MACF1: variants seen among roughly 807,000 people sequenced by gnomAD.
MACF1 encodes the protein microtubule actin crosslinking factor 1, also known as microtubule-actin cross-linking factor 1.
Under a neutral mutation model 854.8 loss-of-function variants are expected in MACF1, and 193 were observed. The observed-to-expected ratio is 0.23, with a 90% CI of 0.20 to 0.25. The LOEUF is 0.25. Ranked by LOEUF, MACF1 falls within the 10% of genes least tolerant of loss-of-function variation. The pLI, the probability that MACF1 is intolerant of heterozygous loss-of-function variation, is 1.00. For missense variants in MACF1, 7,722 were observed against 8,929.1 expected, an observed-to-expected ratio of 0.86 and a Z score of 5.45; for synonymous variants, 3,185 against 3,226.7, an observed-to-expected ratio of 0.99 and a Z score of 0.44.
chr1:39,450,858 A>ACCTG (rs1644329719), intron 84 of MACF1, among the ~76,000 whole-genome samples, 194 bp from the exon 85 acceptor site: 19 of 151,604 alleles, frequency 1.3e-4, no homozygotes, highest in Non-Finnish European at 2.9e-5. Flanking sequence ...TGATCTGCCC[A>ACCTG]CCTCGGCCTC....
chr1:39,229,218 C>T (rs1049693122), intron 1 of MACF1, among the ~76,000 whole-genome samples: 19 of 152,180 alleles, frequency 1.2e-4, no homozygotes, highest in Non-Finnish European at 2.9e-5. Context: ...TTCTAAGGTC[C>T]ATACCTTAGT....
At chr1:39,370,446 A>T (rs1649126366) in intron 51 of MACF1, among the ~76,000 whole-genome samples, 1 of 152,226 alleles carries the variant, frequency 6.6e-6, no homozygotes, top group South Asian at 2.1e-4. Context: ...GAAATTGAGG[A>T]TAGAAGAACT....
At position 39,105,368 on chromosome 1, in the gene MACF1, G is replaced by A. The variant is rs1035125915; in HGVS notation, c.220+20930G>A. ...TGCAGCCGCGCCGGGGCGGGCTGAG[G>A]GAGGAGCGGAGCCGAGGGGTGAGGA... On this transcript the variant is annotated intron_variant, in intron 2 of 93. Transcript: ENST00000361689. The surrounding 1 kb of genome is among the most constrained non-coding windows in gnomAD (Gnocchi z 5.9). The A allele has an allele frequency of 8.2e-6, 8 of 979,148 alleles. No individual in the cohort carries two copies. The African/African-American group carries it at 1.4e-4, about 17-fold the overall frequency. The allele number at this position is 979,148 out of a possible 1,614,324, so 60.7% of individuals were successfully genotyped here.
chr1:39,334,757 T>C lies in MACF1; in HGVS notation c.8169T>C (p.Ser2723=). The C allele has an allele frequency of 6.2e-7, 1 of 1,614,166 alleles. No individual in the cohort carries two copies. Among genetic ancestry groups the C allele is most frequent in the Non-Finnish European group, 8.5e-7 (1 of 1,180,002 alleles). ...VDENMVRIIA[S]HQVLNGGIVD... ...AAAACATGGTCAGAATTATTGCATC[T>C]CATCAGGTGTTAAATGGAGGAATTG... Residue 2723 remains serine, a synonymous_variant, in exon 37 of 101, where the codon TCT becomes TCC. Transcript: ENST00000564288.
chr1:39,102,537 G>A (rs964955824), intron 2 of MACF1, among the ~76,000 whole-genome samples: 7 of 152,144 alleles, frequency 4.6e-5, no homozygotes, highest in African/African-American at 1.7e-4. Context: ...TAATCTGGGA[G>A]GAAAGTCGGT....
At chr1:39,208,676 G>A (rs928760034) in intron 1 of MACF1, among the ~76,000 whole-genome samples, 23 of 151,934 alleles carry the variant, frequency 1.5e-4, no homozygotes, top group African/African-American at 2.9e-4. Flanking sequence ...CCAGGCTGGC[G>A]TGCAGTGGTG....
At chr1:39,382,797 ATTGAT>A in intron 56 of MACF1, among the ~76,000 whole-genome samples, 2 of 152,238 alleles carry the variant, frequency 1.3e-5, no homozygotes, top group Middle Eastern at 6.8e-3. Context: ...CCTCAAAAAA[ATTGAT>A]TTAAGTGCCT....
chr1:39,408,951 C>CCGCCGGGCCCCGCCCCCGCCCT (rs1642843911), intron 58 of MACF1, among the ~76,000 whole-genome samples: 1 of 151,860 alleles, frequency 6.6e-6, no homozygotes, highest in Non-Finnish European at 1.5e-5. Flanking sequence ...GGCCCCGCCC[C>CCGCCGGGCCCCGCCCCCGCCCT]CGCCCTCGTC....
intron 2 of MACF1, among the ~76,000 whole-genome samples, chr1:39,192,550 A>G (rs935225161): frequency 6.6e-6 from 1 of 152,232 alleles, no homozygotes; most frequent in Non-Finnish European, 1.5e-5. Flanking sequence ...ACAGGTGTAT[A>G]TAGATTTTGA....
intron 54 of MACF1, among the ~76,000 whole-genome samples, 157 bp from the exon 55 acceptor site, chr1:39,380,087 G>A (rs983195498): frequency 2.0e-5 from 3 of 152,148 alleles, no homozygotes; most frequent in Admixed American, 6.6e-5. Flanking sequence ...AAAAATTGAA[G>A]TAGAAGGGTT....
At chr1:39,425,665 T>C (rs1057008586) in intron 61 of MACF1, among the ~76,000 whole-genome samples, 11 of 152,182 alleles carry the variant, frequency 7.2e-5, no homozygotes, top group Non-Finnish European at 1.6e-4. Context: ...CTGTGTCTTA[T>C]TTTATGGGTT....
intron 58 of MACF1, among the ~76,000 whole-genome samples, chr1:39,389,351 G>GGC (rs1641935224): frequency 1.6e-5 from 1 of 63,470 alleles, no homozygotes; most frequent in African/African-American, 5.7e-5. Context: ...GTTTTTGTGT[G>GGC]TTTTTTTTTT....
Position 39,333,095 on chromosome 1 carries a change from A to T in MACF1, c.6507A>T (p.Thr2169=). ...EHQPLRNTSF[T]CQNEQAHTLE... ...AACCTCTAAGAAACACTTCCTTTAC[A>T]TGTCAGAATGAACAAGCACACACTC... Residue 2169 remains threonine, a synonymous_variant, in exon 37 of 101, where the codon ACA becomes ACT. Coordinates refer to ENST00000564288, the MANE Select transcript of MACF1 (RefSeq NM_001394062.1). The T allele has an allele frequency of 6.2e-7, 1 of 1,614,092 alleles. No homozygotes were observed.
intron 34 of MACF1, 136 bp downstream of exon 34, chr1:39,324,481 C>A: frequency 8.2e-7 from 1 of 1,215,600 alleles, no homozygotes; most frequent in Non-Finnish European, 1.1e-6. Context: ...ACTTAAGAAG[C>A]CATCTTGTTT....
At chr1:39,477,062 T>C (rs1348565926) in intron 97 of MACF1, among the ~76,000 whole-genome samples, 2 of 22,126 alleles carry the variant, frequency 9.0e-5, no homozygotes, top group Admixed American at 5.8e-4. Flanking sequence ...TATATATATA[T>C]ATATATATAT....
At chr1:39,345,351 C>T (rs960692554) in intron 40 of MACF1, among the ~76,000 whole-genome samples, 1 of 152,084 alleles carries the variant, frequency 6.6e-6, no homozygotes, top group African/African-American at 2.4e-5. Context: ...TGGCTCATGC[C>T]TGTAATCCCA....
intron 4 of MACF1, 111 bp from the exon 5 acceptor site, chr1:39,254,187 T>C: frequency 2.3e-6 from 2 of 879,526 alleles, no homozygotes; most frequent in Non-Finnish European, 3.6e-6. Context: ...GCCTGGCTTC[T>C]ACTGTAAGGA....
intron 69 of MACF1, among the ~76,000 whole-genome samples, chr1:39,434,840 C>T (rs781120554): frequency 1.3e-5 from 2 of 151,956 alleles, no homozygotes; most frequent in Admixed American, 1.3e-4. Context: ...ATAGAGATGT[C>T]GAGAACCTTA....
At chr1:39,438,809 G>A (rs892822988) in intron 71 of MACF1, among the ~76,000 whole-genome samples, 3 of 151,430 alleles carry the variant, frequency 2.0e-5, no homozygotes, top group East Asian at 1.9e-4. Context: ...TAGGCCGGGT[G>A]TGGTGGCTCA....
Sources: allele counts gnomAD v4.1 joint callset (sites outside exome capture counted in the v4.1 genomes callset), GRCh38; gene constraint gnomAD v4.1.1; non-coding constraint Gnocchi (gnomAD v3.1); transcripts MANE v1.5; gene names NCBI Gene and HGNC (gene_info 2026-07-23, HGNC 2026-07-21).